SUN2: variants seen among roughly 807,000 people sequenced by gnomAD.
The protein encoded by SUN2 is Sad1 and UNC84 domain containing 2, also known as SUN domain-containing protein 2.
In SUN2, 60 loss-of-function variants were observed where a neutral mutation model predicts 100.0. The observed-to-expected ratio is 0.60, with a 90% CI of 0.49 to 0.74. The LOEUF (loss-of-function observed/expected upper bound fraction) is 0.74. SUN2 is among the 30% of genes least tolerant of loss of function. The pLI is 0.00. For missense variants in SUN2, 834 were observed against 954.6 expected (o/e 0.87, Z 1.66); for synonymous variants, 367 against 403.3 (o/e 0.91, Z 1.08).
intron 1 of SUN2, among the ~76,000 whole-genome samples, 198 bp from the exon 2 acceptor site, chr22:38,752,863 G>A (rs1052822587): frequency 1.3e-5 from 2 of 152,356 alleles, no homozygotes; most frequent in South Asian, 2.1e-4. Context: ...ACTGTGCAGC[G>A]GCTGGAGTCA....
Position 38,750,475 on chromosome 22 carries a change from C to T in SUN2, c.425-155G>A. The T allele has an allele frequency of 1.6e-5, 23 of 1,431,560 alleles. No individual in the cohort carries two copies. In the South Asian group the frequency reaches 2.9e-4, roughly 18 times the overall value. 88.7% of individuals were successfully genotyped at this position (1,431,560 alleles called of 1,614,324 possible). ...TGCAGTAAGGAATGAAATGGGAGCT[C>T]TTTGACATTCTGTTTCTTCTGACAG... On this transcript the variant is annotated intron_variant, in intron 4 of 17. Transcript: ENST00000689035.
In SUN2 at chr22:38,738,842, GC is replaced by G. The variant is rs1569294971; in HGVS notation, c.1779+30del. On this transcript the variant is annotated intron_variant, in intron 15 of 17. Transcript: ENST00000689035. The surrounding 1 kb of genome is among the most constrained non-coding windows in gnomAD (Gnocchi z 6.6). ...GGGACCAGCCCTCAGTGTGCTCAGA[GC>G]CCCCGCTGCTGTGCTTGCCAGGTGC... The G allele has an allele frequency of 2.5e-6, 4 of 1,595,168 alleles. No individual in the cohort carries two copies. Among genetic ancestry groups the G allele is most frequent in the East Asian group, 2.2e-5 (1 of 44,600 alleles).
At chr22:38,745,277 G>GAC (rs1211621366) in intron 8 of SUN2, 1 of 454,066 alleles carries the variant, frequency 2.2e-6, no homozygotes, top group African/African-American at 2.0e-5. Context: ...CAGACAGACA[G>GAC]ATCCACACAG....
At chr22:38,748,870 G>C in intron 6 of SUN2, 87 bp from the exon 7 acceptor site, 2 of 1,371,290 alleles carry the variant, frequency 1.5e-6, no homozygotes, top group Non-Finnish European at 2.1e-6. Context: ...AGTACCCTGA[G>C]ATGTTTTCCT....
chr22:38,741,723 T>C, intron 9 of SUN2, 152 bp from the exon 10 acceptor site: 1 of 682,174 alleles, frequency 1.5e-6, no homozygotes, highest in Middle Eastern at 2.5e-4. Flanking sequence ...AGACTCCCGC[T>C]TCAGCTCCAC....
rs183842022 is a variant in SUN2, at chr22:38,753,147, G to A, written c.-37-482C>T. Among the ~76,000 whole-genome samples the A allele has an allele frequency of 7.9e-4, 119 of 150,446 alleles. 1 individual carries two copies. The highest frequency in any genetic ancestry group is 7.2e-3 in the Middle Eastern group (2 of 278). On this transcript the variant is annotated intron_variant, in intron 1 of 17. Transcript: ENST00000689035. Reference sequence around the variant, plus strand: ...TGTGTCCCTTTGCTGACATGTGCTCGTTCATCGAGGGCCCCAACGAACCTT... The same window carrying A: ...TGTGTCCCTTTGCTGACATGTGCTCATTCATCGAGGGCCCCAACGAACCTT...
rs559334438 is a variant in SUN2, at chr22:38,751,348, T to C, written c.148A>G (p.Met50Val). The C allele has an allele frequency of 6.2e-7, 1 of 1,613,868 alleles. No individual in the cohort carries two copies. The highest frequency in any genetic ancestry group is 1.1e-5 in the South Asian group (1 of 91,084). Residue 50 changes from methionine (M) to valine (V), a missense_variant, in exon 3 of 18, where the codon ATG becomes GTG. This residue lies in a region of SUN2 where 559 missense variants were observed against 597.7 expected (regional missense o/e 0.94). Coordinates refer to ENST00000689035, the MANE Select transcript of SUN2 (RefSeq NM_015374.3). ...TGTGGCGCTGGGGACAGGCGCTTCA[T>C]GTTGCTGGATTTCCTCTTCAAGGTC... ...LRTLKRKSSN[M>V]KRLSPAPQLG...
At position 38,755,076 on chromosome 22, in the gene SUN2, C is replaced by A; in HGVS notation, c.-38+687G>T. 9.8e-7 allele frequency: 1 copy of A among 1,024,062 alleles called. No homozygotes were observed. Among genetic ancestry groups the A allele is most frequent in the Non-Finnish European group, 1.3e-6 (1 of 783,840 alleles). The allele number at this position is 1,024,062 out of a possible 1,614,324, so 63.4% of individuals were successfully genotyped here. ...TCGGAAAGCATCCTTCCCCACTTCT[C>A]AGCTGGGCGACTTCCTTTCTCAATT... On this transcript the variant is annotated intron_variant, in intron 1 of 17. Coordinates refer to ENST00000689035, the MANE Select transcript of SUN2 (RefSeq NM_015374.3). The surrounding 1 kb of genome is among the most constrained non-coding windows in gnomAD (Gnocchi z 5.7).
At position 38,750,308 on chromosome 22, in the gene SUN2, A is replaced by C. The variant is rs777319339; in HGVS notation, c.437T>G (p.Val146Gly). 1.3e-5 allele frequency: 21 copies of C among 1,613,844 alleles called. No homozygotes were observed. The highest frequency in any genetic ancestry group is 1.7e-5 in the Non-Finnish European group (20 of 1,180,024). The stretch of plus-strand genomic sequence containing the variant: ...CCGCGAGCTGGAACTCTGCTGGTCC[A>C]CATCCGAGTAGCCTGCGGGGAACGA... ...SEDDYVGYSD[V>G]DQQSSSSRLR... is the part of the protein sequence containing the mutation. The change falls in exon 5 of 18, where the codon GTG becomes GGG. Residue 146 changes from valine to glycine, a missense_variant. By Grantham distance (109) the Val-to-Gly change is moderately radical (BLOSUM62 -3). Around this residue, in one of 3 missense-constraint regions of SUN2, gnomAD observed 559 missense variants for 597.7 expected, o/e 0.94. Transcript: ENST00000689035.
At position 38,739,879 on chromosome 22, in the gene SUN2, C is replaced by T. The variant is rs370307711; in HGVS notation, c.1421G>A (p.Gly474Glu). 1.1e-5 allele frequency: 17 copies of T among 1,613,214 alleles called. No individual in the cohort carries two copies. The highest frequency in any genetic ancestry group is 1.4e-5 in the Non-Finnish European group (17 of 1,180,028). The change falls in exon 13 of 18, where the codon GGG (glycine) becomes GAG (glutamate). Residue 474 changes from glycine to glutamate, a missense_variant. Transcript: ENST00000689035. The surrounding 1 kb of genome is among the most constrained non-coding windows in gnomAD (Gnocchi z 6.7). ...FLARGGGGRV[G>E]LLQREEMQAQ... Reference sequence around the variant, plus strand: ...TTGCATCTCCTCTCTCTGAAGGAGCCCCACGCGGCCCCCTCCACCTCGGGC... The same window carrying T: ...TTGCATCTCCTCTCTCTGAAGGAGCTCCACGCGGCCCCCTCCACCTCGGGC...
In SUN2 at chr22:38,754,911, T is replaced by C. The variant is rs137991212; in HGVS notation, c.-38+852A>G. 2,455 of 1,289,180 alleles carry C rather than the reference T, an allele frequency of 1.9e-3. 45 individuals are homozygous for C. In the African/African-American group the frequency reaches 0.035, roughly 18 times the overall value. 79.9% of individuals were successfully genotyped at this position (1,289,180 alleles called of 1,614,324 possible). A position where few individuals can be genotyped will look rare whatever the true frequency, so the allele number is the denominator to read the frequency against. ...AAAACAGTTTACCATTGAGTCTGGG[T>C]TTCACAAGATGAAAAAGGTCGAGGC... On this transcript the variant is annotated intron_variant, in intron 1 of 17. Transcript: ENST00000689035.
chr22:38,740,804 C>G lies in SUN2; in HGVS notation c.1190+203G>C. On this transcript the variant is annotated intron_variant, in intron 11 of 17. Coordinates refer to ENST00000689035, the MANE Select transcript of SUN2 (RefSeq NM_015374.3). The surrounding 1 kb of genome is among the most constrained non-coding windows in gnomAD (Gnocchi z 4.8). ...TCTCACACAGCCTGCCCCCCGCCCTCAGGACCCCCCTGCTAACCTCCATGG... is the reference window on the plus strand; with the variant it reads ...TCTCACACAGCCTGCCCCCCGCCCTGAGGACCCCCCTGCTAACCTCCATGG... The G allele has an allele frequency of 1.6e-6, 1 of 619,544 alleles. No individual in the cohort carries two copies. 38.4% of individuals were successfully genotyped at this position (619,544 alleles called of 1,614,324 possible). A position where few individuals can be genotyped will look rare whatever the true frequency, so the allele number is the denominator to read the frequency against.
chr22:38,751,971 C>T (rs1263812220), intron 2 of SUN2, among the ~76,000 whole-genome samples: 2 of 152,140 alleles, frequency 1.3e-5, no homozygotes, highest in Non-Finnish European at 2.9e-5. Context: ...TTCTTTCTTT[C>T]CTTTTTTTCT....
In SUN2 at chr22:38,736,991, A is replaced by G. The variant is rs541907658; in HGVS notation, c.2041-611T>C. Among the ~76,000 whole-genome samples, 13 of 152,234 alleles carry G rather than the reference A, an allele frequency of 8.5e-5. No homozygotes were observed. In the South Asian group the frequency reaches 2.7e-3, roughly 32 times the overall value. On this transcript the variant is annotated intron_variant, in intron 17 of 17. Coordinates refer to ENST00000689035, the MANE Select transcript of SUN2 (RefSeq NM_015374.3). ...CCCCAGTAGCTGGGACCACAGGTGC[A>G]TGTCACCACACCCGGCTAAATTTTT... is the stretch of plus-strand genomic sequence containing the variant.
At position 38,737,782 on chromosome 22, in the gene SUN2, C is replaced by T. The variant is rs1262553566; in HGVS notation, c.2040+391G>A. The stretch of plus-strand genomic sequence containing the variant: ...CTAACTGACTTAGGAGATCGGATGC[C>T]CACTGAAGTTTAAGCCGCATGCACT... On this transcript the variant is annotated intron_variant, in intron 17 of 17. Transcript: ENST00000689035. The surrounding 1 kb of genome is among the most constrained non-coding windows in gnomAD (Gnocchi z 4.1). 9.9e-6 allele frequency: 4 copies of T among 405,278 alleles called. No individual in the cohort carries two copies. The allele number at this position is 405,278 out of a possible 1,614,324, so 25.1% of individuals were successfully genotyped here.
Position 38,742,544 on chromosome 22 carries a change from A to ACG in SUN2, c.823_824dup (p.Met277LeufsTer48). The ACG allele has an allele frequency of 6.2e-7, 1 of 1,611,130 alleles. No individual in the cohort carries two copies. The highest frequency in any genetic ancestry group is 1.1e-5 in the South Asian group (1 of 91,016). On this transcript the variant is annotated frameshift_variant, in exon 9 of 18. Coordinates refer to ENST00000689035, the MANE Select transcript of SUN2 (RefSeq NM_015374.3). LOFTEE classifies it high-confidence loss of function. ...CCAGAGAGTGTACCCGGGACATAAC[A>ACG]CGCTGCTCAGCCTGGAAGGGCAGAG... is the stretch of plus-strand genomic sequence containing the variant.
Position 38,737,323 on chromosome 22 carries a change from T to G in SUN2, c.2040+850A>C, listed in dbSNP as rs1192121439. On this transcript the variant is annotated intron_variant, in intron 17 of 17. Transcript: ENST00000689035. The surrounding 1 kb of genome is among the most constrained non-coding windows in gnomAD (Gnocchi z 4.1). The stretch of plus-strand genomic sequence containing the variant: ...CACATCAGCCCCCATCGCAGTGGCT[T>G]CTTCCTCCCACCCCATCCAACTGGA... 6.6e-6 allele frequency among the ~76,000 whole-genome samples: 1 copy of G among 151,934 alleles called. No individual in the cohort carries two copies. Among genetic ancestry groups the G allele is most frequent in the Non-Finnish European group, 1.5e-5 (1 of 67,958 alleles).
Position 38,742,441 on chromosome 22 carries a change from G to T in SUN2, c.928C>A (p.Leu310Met). 6.2e-7 allele frequency: 1 copy of T among 1,613,568 alleles called. No individual in the cohort carries two copies. The highest frequency in any genetic ancestry group is 8.5e-7 in the Non-Finnish European group (1 of 1,180,020). ...KEAMRLERLE[L>M]RQGAPGQGGG... ...CCCTGGCCAGGAGCCCCTTGCCGCA[G>T]CTCCAGACGTTCCAGCCGCATGGCC... Residue 310 changes from leucine (L) to methionine (M), a missense_variant, in exon 9 of 18, where the codon CTG (leucine) becomes ATG (methionine). Physicochemically the swap from Leu to Met is conservative, Grantham distance 15. Transcript: ENST00000689035.
rs192379207 is a variant in SUN2, at chr22:38,737,004, C to T, written c.2041-624G>A. 1.4e-3 allele frequency among the ~76,000 whole-genome samples: 210 copies of T among 152,258 alleles called. 4 individuals are homozygous for T. The highest frequency in any genetic ancestry group is 0.012 in the Admixed American group (176 of 15,278). ...GACCACAGGTGCATGTCACCACACC[C>T]GGCTAAATTTTTTAACATTTTTTGT... is the stretch of plus-strand genomic sequence containing the variant. On this transcript the variant is annotated intron_variant, in intron 17 of 17. Transcript: ENST00000689035. This position sits in a 1 kb window ranked among gnomAD's most constrained non-coding sequence, Gnocchi z 4.1.
Sources: allele counts gnomAD v4.1 joint callset (sites outside exome capture counted in the v4.1 genomes callset), GRCh38; gene constraint gnomAD v4.1.1; regional missense constraint gnomAD v4.1.1; non-coding constraint Gnocchi (gnomAD v3.1); transcripts MANE v1.5; gene names NCBI Gene and HGNC (gene_info 2026-07-23, HGNC 2026-07-21).